NOS1: variants seen among roughly 807,000 people sequenced by gnomAD.
NOS1 encodes the protein nitric oxide synthase 1.
A neutral mutation model predicts 164.5 loss-of-function variants in NOS1; 51 were observed. The observed-to-expected ratio is 0.31, with a 90% CI of 0.25 to 0.39. The LOEUF (loss-of-function observed/expected upper bound fraction) is 0.39. Among genes scored for constraint, NOS1 ranks in the 10% least tolerant of loss-of-function variants. The pLI is 1.00. For synonymous variants in NOS1, 719 were observed against 745.8 expected (o/e 0.96, Z 0.59); for missense variants, 1,362 against 1,885.6 (o/e 0.72, Z 5.14).
intron 13 of NOS1, 73 bp from the exon 14 acceptor site, chr12:117,260,682 G>C: frequency 6.6e-7 from 1 of 1,505,686 alleles, no homozygotes; most frequent in East Asian, 2.3e-5. Context: ...TGGGACTTTC[G>C]TGCAAGAACC....
At chr12:117,256,182 G>A (rs1871428837) in intron 16 of NOS1, 4 of 432,676 alleles carry the variant, frequency 9.2e-6, no homozygotes, top group Non-Finnish European at 1.6e-5. Context: ...TAGAACGAGG[G>A]CTGACCACAA....
intron 7 of NOS1, 112 bp downstream of exon 7, chr12:117,285,129 G>A (rs890478699): frequency 4.3e-6 from 2 of 461,644 alleles, no homozygotes; most frequent in Non-Finnish European, 7.8e-6. Context: ...CTTGGCCCGT[G>A]TCCCTGAGAT....
intron 20 of NOS1, among the ~76,000 whole-genome samples, chr12:117,240,378 A>T (rs1870068246): frequency 6.6e-6 from 1 of 152,220 alleles, no homozygotes; most frequent in Non-Finnish European, 1.5e-5. Flanking sequence ...CATAGAAAGC[A>T]CACACACTAA....
chr12:117,253,606 C>T (rs1422777234), intron 17 of NOS1, 32 bp downstream of exon 17: 1 of 1,504,694 alleles, frequency 6.6e-7, no homozygotes, highest in South Asian at 1.1e-5. Context: ...TTAGTCTTCC[C>T]TGACCCCCGA....
At chr12:117,353,816 C>T (rs11068456) in intron 1 of NOS1, among the ~76,000 whole-genome samples, 5,101 of 152,130 alleles carry the variant, frequency 0.034, 115 homozygotes, top group Middle Eastern at 0.051. Flanking sequence ...AACTAAATCT[C>T]CACATTTTGG....
intron 1 of NOS1, among the ~76,000 whole-genome samples, chr12:117,350,692 G>A (rs1876574028): frequency 6.6e-6 from 1 of 152,148 alleles, no homozygotes; most frequent in African/African-American, 2.4e-5. Context: ...AACTGGGATT[G>A]GTCTTACTCA....
chr12:117,275,479 A>G (rs1873109011), intron 9 of NOS1, among the ~76,000 whole-genome samples: 1 of 152,186 alleles, frequency 6.6e-6, no homozygotes, highest in African/African-American at 2.4e-5. Flanking sequence ...AAAGTGGAAC[A>G]GAGGATGCTG....
In NOS1 at chr12:117,214,168, G is replaced by C. The variant is rs1956568889; in HGVS notation, c.*1141C>G. The C allele has an allele frequency of 3.0e-6, 3 of 985,256 alleles. No individual in the cohort carries two copies. The highest frequency in any genetic ancestry group is 3.6e-6 in the Non-Finnish European group (3 of 829,904). 61.0% of individuals were successfully genotyped at this position (985,256 alleles called of 1,614,324 possible). ...CAGCTTCCATTATTTCATCCCCAAG[G>C]GTGAAGCAGCAAGCCCGCTTTGGGG... On this transcript the variant is annotated 3_prime_UTR_variant, in exon 29 of 29. Transcript: ENST00000317775.
chr12:117,326,671 AAGCTG>A (rs1875268376), intron 2 of NOS1, among the ~76,000 whole-genome samples: 1 of 152,184 alleles, frequency 6.6e-6, no homozygotes, highest in Non-Finnish European at 1.5e-5. Context: ...GGGATGAGGG[AAGCTG>A]AGAGCTTGGA....
chr12:117,230,762 TC>T (rs1175994960), intron 22 of NOS1, among the ~76,000 whole-genome samples: 2 of 152,134 alleles, frequency 1.3e-5, no homozygotes, highest in South Asian at 4.2e-4. Flanking sequence ...TCTCTAATAG[TC>T]CCCCCTGCAG....
chr12:117,354,219 T>TG (rs1876760539), intron 1 of NOS1, among the ~76,000 whole-genome samples: 1 of 150,054 alleles, frequency 6.7e-6, no homozygotes, highest in Non-Finnish European at 1.5e-5. Context: ...AAAATATTTA[T>TG]CTACGTATAT....
At chr12:117,273,454 C>G (rs1872938413) in intron 9 of NOS1, among the ~76,000 whole-genome samples, 2 of 152,110 alleles carry the variant, frequency 1.3e-5, no homozygotes, top group African/African-American at 4.8e-5. Context: ...GTGGCACTAT[C>G]CTTGGGTGTA....
chr12:117,253,831 A>G, intron 16 of NOS1, 77 bp from the exon 17 acceptor site: 1 of 939,306 alleles, frequency 1.1e-6, no homozygotes, highest in East Asian at 2.4e-5. Context: ...TGGATCTTCA[A>G]GTGACCAGTC....
intron 17 of NOS1, among the ~76,000 whole-genome samples, 167 bp downstream of exon 17, chr12:117,253,471 G>A (rs890234896): frequency 6.6e-6 from 1 of 152,094 alleles, no homozygotes; most frequent in Non-Finnish European, 1.5e-5. Context: ...ACCAGGCAAT[G>A]TGACTTAATG....
In NOS1 at chr12:117,330,947, C is replaced by T; in HGVS notation, c.123G>A (p.Val41=). 6.2e-7 allele frequency: 1 copy of T among 1,614,168 alleles called. No individual in the cohort carries two copies. The highest frequency in any genetic ancestry group is 8.5e-7 in the Non-Finnish European group (1 of 1,180,032). ...CCCCACGAATCAGGTCAGAGATGATCACGGGCGGCTTACTGACCCGCTCCT... is the reference window on the plus strand; with the variant it reads ...CCCCACGAATCAGGTCAGAGATGATTACGGGCGGCTTACTGACCCGCTCCT... ...LVKERVSKPP[V]IISDLIRGGA... The change falls in exon 2 of 29, where the codon GTG becomes GTA. Residue 41 remains valine, a synonymous_variant. Transcript: ENST00000317775. This position sits in a 1 kb window ranked among gnomAD's most constrained non-coding sequence, Gnocchi z 4.6.
At chr12:117,302,625 G>T (rs1172449753) in intron 3 of NOS1, among the ~76,000 whole-genome samples, 1 of 149,684 alleles carries the variant, frequency 6.7e-6, no homozygotes, top group Non-Finnish European at 1.5e-5. Flanking sequence ...AAAATTAGTT[G>T]TCTGACCAAG....
chr12:117,321,450 C>T (rs937299810), intron 2 of NOS1, among the ~76,000 whole-genome samples: 4 of 152,120 alleles, frequency 2.6e-5, no homozygotes, highest in African/African-American at 9.7e-5. Context: ...TGAGAAGCCC[C>T]CTGGTTACCC....
intron 2 of NOS1, among the ~76,000 whole-genome samples, chr12:117,325,735 C>G (rs1446041240): frequency 6.6e-6 from 1 of 152,236 alleles, no homozygotes; most frequent in Non-Finnish European, 1.5e-5. Context: ...AATTGCATCA[C>G]CAAGGCGACG....
Position 117,290,418 on chromosome 12 carries a change from G to C in NOS1, c.861C>G (p.Thr287=). The C allele has an allele frequency of 6.2e-7, 1 of 1,612,360 alleles. No individual in the cohort carries two copies. Among genetic ancestry groups the C allele is most frequent in the South Asian group, 1.1e-5 (1 of 90,852 alleles). The stretch of plus-strand genomic sequence containing the variant: ...TCTTTGTGGGGGACTGTTTTCCTGA[G>C]GTGGGGGGCTGCAGGAGAGAATGAA... The part of the protein sequence containing the change: ...NPYSEKEQPP[T]SGKQSPTKNG... Residue 287 remains threonine, a synonymous_variant, in exon 4 of 29, where the codon ACC becomes ACG. Coordinates refer to ENST00000317775, the MANE Select transcript of NOS1 (RefSeq NM_000620.5).
Sources: allele counts gnomAD v4.1 joint callset (sites outside exome capture counted in the v4.1 genomes callset), GRCh38; gene constraint gnomAD v4.1.1; non-coding constraint Gnocchi (gnomAD v3.1); transcripts MANE v1.5; gene names NCBI Gene and HGNC (gene_info 2026-07-23, HGNC 2026-07-21).